The following LRRTM4 variants were observed in gnomAD, a reference collection of about 807,000 sequenced individuals.
LRRTM4 encodes the protein leucine rich repeat transmembrane neuronal 4.
In LRRTM4, 25 loss-of-function variants were observed where a neutral mutation model predicts 47.6. The observed-to-expected ratio is 0.53, with a 90% CI of 0.38 to 0.73. LRRTM4 has a LOEUF of 0.73. Among genes scored for constraint, LRRTM4 ranks in the 30% least tolerant of loss-of-function variants. The pLI is 0.00. For synonymous variants in LRRTM4, 311 were observed against 269.5 expected (o/e 1.15, Z -1.51); for missense variants, 638 against 713.4 (o/e 0.89, Z 1.20).
chr2:77,106,085 A>G (rs1572967699), intron 3 of LRRTM4, among the ~76,000 whole-genome samples: 2 of 152,150 alleles, frequency 1.3e-5, no homozygotes, highest in South Asian at 4.1e-4. Context: ...CACTCTCAGC[A>G]GGCTGCCTTC....
At chr2:77,305,890 GCATACAATATTT>G (rs1460597045) in intron 3 of LRRTM4, among the ~76,000 whole-genome samples, 2 of 151,914 alleles carry the variant, frequency 1.3e-5, no homozygotes, top group Non-Finnish European at 2.9e-5. Flanking sequence ...CACTGATTCA[GCATACAATATTT>G]TGAAGGCATA....
intron 3 of LRRTM4, among the ~76,000 whole-genome samples, chr2:76,892,172 T>C (rs1350090874): frequency 3.1e-4 from 47 of 151,680 alleles, no homozygotes; most frequent in Admixed American, 3.0e-3. Flanking sequence ...ATACTTATTA[T>C]ATGAAGAATG....
At chr2:77,486,969 G>A (rs1677937986) in intron 3 of LRRTM4, among the ~76,000 whole-genome samples, 1 of 152,220 alleles carries the variant, frequency 6.6e-6, no homozygotes, top group Non-Finnish European at 1.5e-5. Context: ...ATTTCTACTT[G>A]TGCACATAAT....
chr2:77,197,896 G>C (rs1055688186), intron 3 of LRRTM4, among the ~76,000 whole-genome samples: 1 of 152,136 alleles, frequency 6.6e-6, no homozygotes, highest in African/African-American at 2.4e-5. Flanking sequence ...CTCTTTGCAT[G>C]TATTATATCA....
chr2:77,151,380 T>G (rs1289498244), intron 3 of LRRTM4, among the ~76,000 whole-genome samples: 1 of 152,186 alleles, frequency 6.6e-6, no homozygotes, highest in Non-Finnish European at 1.5e-5. Flanking sequence ...TCTATAAGTT[T>G]GACCATGATA....
chr2:77,233,942 C>T (rs756283442), intron 3 of LRRTM4, among the ~76,000 whole-genome samples: 5 of 152,118 alleles, frequency 3.3e-5, no homozygotes, highest in Non-Finnish European at 7.4e-5. Context: ...GGATTACAGG[C>T]ACCCACCATC....
At chr2:76,816,241 G>T (rs192585161) in intron 3 of LRRTM4, among the ~76,000 whole-genome samples, 30 of 152,188 alleles carry the variant, frequency 2.0e-4, no homozygotes, top group Admixed American at 2.0e-3. Context: ...TAGACCATTA[G>T]AAGACCCTGT....
At chr2:77,016,406 A>T (rs1573455044) in intron 3 of LRRTM4, among the ~76,000 whole-genome samples, 1 of 149,276 alleles carries the variant, frequency 6.7e-6, no homozygotes. Context: ...AAAAAGAGTG[A>T]GGAAGAAGAT....
At chr2:77,131,109 C>T (rs1671791790) in intron 3 of LRRTM4, among the ~76,000 whole-genome samples, 1 of 152,018 alleles carries the variant, frequency 6.6e-6, no homozygotes, top group African/African-American at 2.4e-5. Flanking sequence ...GCTGGGATTA[C>T]AGGCGTCAGC....
intron 3 of LRRTM4, among the ~76,000 whole-genome samples, chr2:77,290,872 C>T (rs914512149): frequency 3.3e-5 from 5 of 151,870 alleles, no homozygotes; most frequent in South Asian, 2.1e-4. Context: ...TGCGCTTTTC[C>T]GAGTTGCATC....
chr2:77,345,346 A>C (rs548469834), intron 3 of LRRTM4, among the ~76,000 whole-genome samples: 1 of 152,038 alleles, frequency 6.6e-6, no homozygotes, highest in Admixed American at 6.6e-5. Flanking sequence ...ATGCAGGAGT[A>C]GGAGAAGGAA....
intron 3 of LRRTM4, among the ~76,000 whole-genome samples, chr2:77,014,409 C>T (rs1677981770): frequency 6.6e-6 from 1 of 151,714 alleles, no homozygotes; most frequent in Non-Finnish European, 1.5e-5. Flanking sequence ...CAAACTCACC[C>T]TACAATATAA....
At chr2:76,972,701 T>A (rs1676263391) in intron 3 of LRRTM4, among the ~76,000 whole-genome samples, 1 of 152,052 alleles carries the variant, frequency 6.6e-6, no homozygotes, top group Non-Finnish European at 1.5e-5. Flanking sequence ...ATTACAGGTA[T>A]GATCCACAAC....
chr2:77,082,573 C>A (rs1383690692), intron 3 of LRRTM4, among the ~76,000 whole-genome samples: 2 of 151,944 alleles, frequency 1.3e-5, no homozygotes, highest in Admixed American at 1.3e-4. Context: ...TAGGTCAATG[C>A]AGAAAACTGC....
At chr2:76,754,973 G>A (rs1206729942) in intron 3 of LRRTM4, among the ~76,000 whole-genome samples, 1 of 152,164 alleles carries the variant, frequency 6.6e-6, no homozygotes, top group Non-Finnish European at 1.5e-5. Flanking sequence ...GCTCAGCTAA[G>A]CCTAGCTCAT....
chr2:77,085,613 A>C (rs1342920742), intron 3 of LRRTM4, among the ~76,000 whole-genome samples: 1 of 152,174 alleles, frequency 6.6e-6, no homozygotes, highest in Non-Finnish European at 1.5e-5. Flanking sequence ...TTCAGAAAAT[A>C]CTATATGAAA....
chr2:76,763,177 G>GA (rs200778013), intron 3 of LRRTM4, among the ~76,000 whole-genome samples: 72 of 151,786 alleles, frequency 4.7e-4, no homozygotes, highest in African/African-American at 1.1e-3. Flanking sequence ...CCTATTCCAG[G>GA]AAAAAAAACA....
chr2:77,265,910 C>CCTTACAAA (rs1676037269), intron 3 of LRRTM4, among the ~76,000 whole-genome samples: 1 of 152,060 alleles, frequency 6.6e-6, no homozygotes, highest in Non-Finnish European at 1.5e-5. Flanking sequence ...TTTCAGATGA[C>CCTTACAAA]ATAAGATTTA....
At chr2:77,130,766 C>T (rs1367476167) in intron 3 of LRRTM4, among the ~76,000 whole-genome samples, 1 of 150,264 alleles carries the variant, frequency 6.7e-6, no homozygotes, top group African/African-American at 2.4e-5. Flanking sequence ...CCACCTCGGC[C>T]TCCCAAAGTG....
Sources: allele counts gnomAD v4.1 joint callset (sites outside exome capture counted in the v4.1 genomes callset), GRCh38; gene constraint gnomAD v4.1.1; transcripts MANE v1.5; gene names NCBI Gene and HGNC (gene_info 2026-07-23, HGNC 2026-07-21).